GNG2: variants seen among roughly 807,000 people sequenced by gnomAD.
GNG2 encodes G protein subunit gamma 2, also known as guanine nucleotide-binding protein G(I)/G(S)/G(O) subunit gamma-2.
GNG2 carries 5 observed loss-of-function variants against 5.5 expected under a neutral mutation model. The ratio of observed to expected loss-of-function variants is 0.91; its 90% CI spans 0.48 to 1.92. The LOEUF (loss-of-function observed/expected upper bound fraction) is 1.92, where lower values mean the gene tolerates loss of function less well. GNG2 is among the 30% of genes most tolerant of loss of function. The pLI, the probability that GNG2 is intolerant of heterozygous loss-of-function variation, is 0.01. For synonymous variants in GNG2, 28 were observed against 32.0 expected (o/e 0.88, Z 0.42); for missense variants, 55 against 88.4 (o/e 0.62, Z 1.52).
At chr14:51,957,370 A>T (rs977330396) in intron 3 of GNG2, among the ~76,000 whole-genome samples, 2 of 152,198 alleles carry the variant, frequency 1.3e-5, no homozygotes, top group Middle Eastern at 3.4e-3. Context: ...TTGCAGTATG[A>T]CTTTGAAAAA....
At chr14:51,864,442 G>A (rs1370414533) in intron 1 of GNG2, among the ~76,000 whole-genome samples, 6 of 152,144 alleles carry the variant, frequency 3.9e-5, no homozygotes, top group African/African-American at 1.2e-4. Context: ...TTAACATAAT[G>A]TGTCATTAGA....
chr14:51,900,788 G>T (rs1307817478), intron 2 of GNG2, among the ~76,000 whole-genome samples: 1 of 151,934 alleles, frequency 6.6e-6, no homozygotes, highest in Non-Finnish European at 1.5e-5. Flanking sequence ...GGATCTATTG[G>T]TCGTCTAATT....
At chr14:51,888,317 T>G (rs1260867495) in intron 2 of GNG2, among the ~76,000 whole-genome samples, 6 of 152,068 alleles carry the variant, frequency 3.9e-5, no homozygotes, top group East Asian at 1.9e-4. Flanking sequence ...TTTGTTTGTT[T>G]TTGTTGTTGT....
At chr14:51,870,442 G>A (rs1045996977) in intron 1 of GNG2, among the ~76,000 whole-genome samples, 1 of 152,112 alleles carries the variant, frequency 6.6e-6, no homozygotes, top group South Asian at 2.1e-4. Context: ...AACCAGCCCT[G>A]CATTTCTGCA....
chr14:51,935,833 G>A (rs998166951), intron 2 of GNG2, among the ~76,000 whole-genome samples: 1 of 152,146 alleles, frequency 6.6e-6, no homozygotes, highest in Non-Finnish European at 1.5e-5. Context: ...CACATGGCCA[G>A]AGAGAGAGCA....
At chr14:51,960,822 C>T (rs1252742424) in intron 3 of GNG2, among the ~76,000 whole-genome samples, 1 of 152,110 alleles carries the variant, frequency 6.6e-6, no homozygotes, top group Non-Finnish European at 1.5e-5. Flanking sequence ...TGCTGGGAAG[C>T]CTTTCTACTC....
chr14:51,901,303 G>A (rs555363393), intron 2 of GNG2, among the ~76,000 whole-genome samples: 10 of 151,740 alleles, frequency 6.6e-5, no homozygotes, highest in African/African-American at 1.5e-4. Flanking sequence ...CTCCCAGCTC[G>A]GCCTCCCAAA....
At chr14:51,958,072 G>A (rs985225636) in intron 3 of GNG2, among the ~76,000 whole-genome samples, 1 of 152,188 alleles carries the variant, frequency 6.6e-6, no homozygotes, top group African/African-American at 2.4e-5. Flanking sequence ...AATTTGGGAA[G>A]GAATTTCCTC....
chr14:51,942,995 A>T (rs912725547), intron 2 of GNG2, among the ~76,000 whole-genome samples: 3 of 152,018 alleles, frequency 2.0e-5, no homozygotes. Flanking sequence ...GCCAGAAGTG[A>T]TTTCAGGAAT....
intron 2 of GNG2, among the ~76,000 whole-genome samples, chr14:51,921,196 T>C (rs1487306815): frequency 4.6e-5 from 7 of 152,334 alleles, no homozygotes; most frequent in African/African-American, 7.2e-5. Context: ...ACTAAGTACA[T>C]TTCTTAACTT....
intron 2 of GNG2, among the ~76,000 whole-genome samples, chr14:51,930,261 G>A (rs577820288): frequency 2.6e-5 from 4 of 152,110 alleles, no homozygotes; most frequent in African/African-American, 7.2e-5. Flanking sequence ...AGCCTTGTCC[G>A]GCCCATCCAC....
intron 2 of GNG2, among the ~76,000 whole-genome samples, chr14:51,833,118 G>C (rs956780027): frequency 1.3e-5 from 2 of 152,140 alleles, no homozygotes; most frequent in South Asian, 4.1e-4. Context: ...CAGGGGCAGG[G>C]GATGGGGGAG....
intron 3 of GNG2, among the ~76,000 whole-genome samples, chr14:51,964,980 T>C (rs1405858288): frequency 1.3e-5 from 2 of 152,196 alleles, no homozygotes; most frequent in Non-Finnish European, 2.9e-5. Context: ...TGCCATTTGT[T>C]AAAACCTCTG....
intron 1 of GNG2, among the ~76,000 whole-genome samples, chr14:51,867,644 T>C (rs973812037): frequency 6.6e-6 from 1 of 152,208 alleles, no homozygotes; most frequent in Non-Finnish European, 1.5e-5. Flanking sequence ...GACTTGTTTT[T>C]TGAGTTCTTT....
At chr14:51,828,694 G>A (rs1881099697) in intron 2 of GNG2, among the ~76,000 whole-genome samples, 2 of 152,082 alleles carry the variant, frequency 1.3e-5, no homozygotes, top group Admixed American at 6.5e-5. Context: ...CAAGCTGCTT[G>A]GGTTGGTCTA....
intron 2 of GNG2, among the ~76,000 whole-genome samples, chr14:51,947,533 G>A (rs1408798206): frequency 1.3e-5 from 2 of 152,182 alleles, no homozygotes; most frequent in East Asian, 1.9e-4. Context: ...AAGAAAAGCT[G>A]ACAGCCTCCA....
intron 3 of GNG2, among the ~76,000 whole-genome samples, chr14:51,954,781 A>G (rs191066900): frequency 4.9e-4 from 74 of 152,288 alleles, no homozygotes; most frequent in African/African-American, 1.7e-3. Context: ...ATGGCTGCCC[A>G]TGGTTCCCAG....
chr14:51,890,484 A>G (rs1053294943), intron 2 of GNG2, among the ~76,000 whole-genome samples: 5 of 152,220 alleles, frequency 3.3e-5, no homozygotes, highest in Admixed American at 2.0e-4. Context: ...GCTTTTTGCT[A>G]TAACTTGGCA....
At chr14:51,890,610 T>G (rs1004939945) in intron 2 of GNG2, among the ~76,000 whole-genome samples, 2 of 152,204 alleles carry the variant, frequency 1.3e-5, no homozygotes, top group African/African-American at 4.8e-5. Context: ...TAAGATAACT[T>G]TCCATTTTAC....
Sources: allele counts gnomAD v4.1 joint callset (sites outside exome capture counted in the v4.1 genomes callset), GRCh38; gene constraint gnomAD v4.1.1; transcripts MANE v1.5; gene names NCBI Gene and HGNC (gene_info 2026-07-23, HGNC 2026-07-21).